The following AMBRA1 variants were observed in gnomAD, a reference collection of about 807,000 sequenced individuals.
AMBRA1 encodes activating molecule in BECN1-regulated autophagy protein 1.
Under a neutral mutation model 125.4 loss-of-function variants are expected in AMBRA1, and 47 were observed. The ratio of observed to expected loss-of-function variants is 0.37; its 90% CI spans 0.30 to 0.48. The LOEUF (loss-of-function observed/expected upper bound fraction) is 0.48. AMBRA1 is among the 20% of genes least tolerant of loss of function. The probability of loss-of-function intolerance (pLI) is 0.99; values close to 1 mark genes in which losing one functional copy is unlikely to be tolerated. For missense variants in AMBRA1, 1,331 were observed against 1,693.4 expected, an observed-to-expected ratio of 0.79 and a Z score of 3.76; for synonymous variants, 626 against 655.5, an observed-to-expected ratio of 0.95 and a Z score of 0.69.
At chr11:46,556,270 T>A (rs2043153375) in intron 1 of AMBRA1, among the ~76,000 whole-genome samples, 1 of 152,190 alleles carries the variant, frequency 6.6e-6, no homozygotes. Flanking sequence ...AAGTTCAAAC[T>A]GTAAGCACCA....
At chr11:46,584,194 T>TA (rs1252167244) in intron 1 of AMBRA1, among the ~76,000 whole-genome samples, 1 of 143,564 alleles carries the variant, frequency 7.0e-6, no homozygotes, top group African/African-American at 2.7e-5. Flanking sequence ...TATGCAGCCA[T>TA]AAAAAATGAT....
chr11:46,415,065 G>T (rs1165618938), intron 15 of AMBRA1, among the ~76,000 whole-genome samples: 1 of 152,066 alleles, frequency 6.6e-6, no homozygotes, highest in African/African-American at 2.4e-5. Context: ...CGGAGGGAGG[G>T]CTGCAATCTT....
chr11:46,566,747 A>G (rs1192437105), intron 1 of AMBRA1, among the ~76,000 whole-genome samples: 1 of 152,210 alleles, frequency 6.6e-6, no homozygotes, highest in African/African-American at 2.4e-5. Context: ...GACCTAACCA[A>G]TCCATCTTGC....
At chr11:46,500,370 GA>G (rs1696671317) in intron 9 of AMBRA1, among the ~76,000 whole-genome samples, 1 of 152,138 alleles carries the variant, frequency 6.6e-6, no homozygotes. Context: ...TCCACACTTA[GA>G]AAACATCAAG....
Position 46,494,119 on chromosome 11 carries a change from C to T in AMBRA1, c.2420+5G>A. 1 of 1,602,634 alleles carries T rather than the reference C, an allele frequency of 6.2e-7. No homozygotes were observed. The highest frequency in any genetic ancestry group is 1.3e-5 in the African/African-American group (1 of 74,910). On this transcript the variant is annotated splice_donor_5th_base_variant and intron_variant, in intron 10 of 17. Transcript: ENST00000683756. ...TCCCTCTGTTGCTAGCAACTCGGTT[C>T]TTACCTTGGGACAAAGCGTCCAAGC...
At chr11:46,407,970 G>A (rs1946103493) in intron 17 of AMBRA1, among the ~76,000 whole-genome samples, 1 of 152,210 alleles carries the variant, frequency 6.6e-6, no homozygotes, top group Non-Finnish European at 1.5e-5. Flanking sequence ...TTAAAAGTGT[G>A]AGGCTGGCAC....
chr11:46,544,690 T>C (rs561165325), intron 5 of AMBRA1, among the ~76,000 whole-genome samples: 2 of 152,214 alleles, frequency 1.3e-5, no homozygotes, highest in African/African-American at 4.8e-5. Flanking sequence ...AGAAGTACTA[T>C]CCAAAACAGT....
At chr11:46,508,413 T>G in intron 8 of AMBRA1, 43 bp from the exon 9 acceptor site, 2 of 1,584,802 alleles carry the variant, frequency 1.3e-6, no homozygotes, top group South Asian at 2.2e-5. Flanking sequence ...AGCACTAATG[T>G]GGGGAATACT....
chr11:46,471,866 TCCAC>T (rs1198153823), intron 11 of AMBRA1, among the ~76,000 whole-genome samples: 1 of 152,008 alleles, frequency 6.6e-6, no homozygotes, highest in East Asian at 2.0e-4. Context: ...GTCCTCATGA[TCCAC>T]CCACCTCGGC....
chr11:46,435,498 G>C (rs1947675924), intron 12 of AMBRA1, among the ~76,000 whole-genome samples: 3 of 152,176 alleles, frequency 2.0e-5, no homozygotes, highest in Admixed American at 2.0e-4. Context: ...TGTGACCTTG[G>C]AGAAGAAAGT....
At chr11:46,434,737 G>T (rs1027406816) in intron 13 of AMBRA1, 112 bp downstream of exon 13, 1 of 1,126,562 alleles carries the variant, frequency 8.9e-7, no homozygotes, top group Non-Finnish European at 1.2e-6. Flanking sequence ...CCCCAGTGAA[G>T]GTAGGGGCAG....
intron 14 of AMBRA1, among the ~76,000 whole-genome samples, chr11:46,431,851 C>T (rs188888096): frequency 6.6e-6 from 1 of 152,282 alleles, no homozygotes; most frequent in Admixed American, 6.5e-5. Context: ...ATCTCCTATT[C>T]ACCCAATGTC....
chr11:46,526,194 G>A (rs186097569), intron 7 of AMBRA1, among the ~76,000 whole-genome samples: 5 of 151,974 alleles, frequency 3.3e-5, no homozygotes, highest in South Asian at 2.1e-4. Flanking sequence ...CAACAAGAGC[G>A]AAACATCGGC....
chr11:46,467,549 C>CTTT (rs577671556), intron 11 of AMBRA1, among the ~76,000 whole-genome samples: 3 of 134,292 alleles, frequency 2.2e-5, no homozygotes. Context: ...CTATGTTACT[C>CTTT]TTTTTTTTTT....
At chr11:46,520,950 C>T (rs1951736837) in intron 7 of AMBRA1, among the ~76,000 whole-genome samples, 1 of 152,084 alleles carries the variant, frequency 6.6e-6, no homozygotes, top group South Asian at 2.1e-4. Context: ...TCAAGTCACC[C>T]AGTAACTTAT....
chr11:46,400,928 G>A (rs1692638739), intron 17 of AMBRA1, among the ~76,000 whole-genome samples: 1 of 152,176 alleles, frequency 6.6e-6, no homozygotes, highest in Non-Finnish European at 1.5e-5. Flanking sequence ...TCCCAGGGCA[G>A]AAGGAGAGAA....
intron 7 of AMBRA1, among the ~76,000 whole-genome samples, chr11:46,539,873 C>G (rs191695314): frequency 5.0e-4 from 76 of 152,112 alleles, no homozygotes; most frequent in African/African-American, 1.6e-3. Context: ...GCTCCATCAC[C>G]CAGGCTGGAG....
chr11:46,502,080 C>CT (rs894829784), intron 9 of AMBRA1, among the ~76,000 whole-genome samples: 13 of 151,204 alleles, frequency 8.6e-5, no homozygotes, highest in South Asian at 2.1e-4. Flanking sequence ...CATTTTCTTT[C>CT]TTTTTTTTTG....
chr11:46,466,024 G>C (rs192502305), intron 11 of AMBRA1, among the ~76,000 whole-genome samples: 17 of 152,284 alleles, frequency 1.1e-4, no homozygotes, highest in African/African-American at 4.1e-4. Context: ...AAAGAATAGT[G>C]ATCTCAAAAC....
Sources: gnomAD v4.1 joint callset for allele counts (sites outside exome capture counted in the v4.1 genomes callset) on GRCh38, gnomAD v4.1.1 for gene constraint, MANE v1.5 for transcripts, NCBI Gene and HGNC (gene_info 2026-07-23, HGNC 2026-07-21) for gene names.